Variants in ADAMTSL1 observed in about 807,000 individuals in gnomAD.
ADAMTSL1 encodes the protein ADAMTS like 1, also known as ADAMTS-like protein 1.
Under a neutral mutation model 201.8 loss-of-function variants are expected in ADAMTSL1, and 126 were observed. The observed-to-expected ratio is 0.62, with a 90% CI of 0.54 to 0.72. The LOEUF is 0.72. Ranked by LOEUF, ADAMTSL1 falls within the 30% of genes least tolerant of loss-of-function variation. The probability of loss-of-function intolerance (pLI) is 0.00; values close to 1 mark genes in which losing one functional copy is unlikely to be tolerated. For missense variants in ADAMTSL1, 2,679 were observed against 2,277.8 expected (o/e 1.18, Z -3.59); for synonymous variants, 1,121 against 903.4 (o/e 1.24, Z -4.32).
intron 2 of ADAMTSL1, among the ~76,000 whole-genome samples, chr9:18,390,185 A>G (rs1837983719): frequency 6.6e-6 from 1 of 152,176 alleles, no homozygotes; most frequent in South Asian, 2.1e-4. Flanking sequence ...ATAGGGCAGG[A>G]AGGGGAGTTA....
rs139308246 is a variant in ADAMTSL1, at chr9:18,533,271, A to G, written c.216A>G (p.Arg72=). ...GGAGCTGTGAAGGAAGAAATATCCG[A>G]TACAGAACATGCAGTAATGTGGTAA... The part of the protein sequence containing the change: ...SSKSCEGRNI[R]YRTCSNVDCP... Residue 72 remains arginine (R), a synonymous_variant, in exon 3 of 29, where the codon CGA becomes CGG. Coordinates refer to ENST00000380548, the MANE Select transcript of ADAMTSL1 (RefSeq NM_001040272.6). 4.5e-5 allele frequency: 73 copies of G among 1,608,848 alleles called. No individual in the cohort carries two copies. The highest frequency in any genetic ancestry group is 5.8e-5 in the Non-Finnish European group (68 of 1,177,642).
At chr9:18,357,723 C>T (rs1003058318) in intron 2 of ADAMTSL1, among the ~76,000 whole-genome samples, 1 of 152,044 alleles carries the variant, frequency 6.6e-6, no homozygotes, top group South Asian at 2.1e-4. Flanking sequence ...TTGCCAGCTA[C>T]AAGGTATAAT....
intron 26 of ADAMTSL1, among the ~76,000 whole-genome samples, chr9:18,897,617 C>T (rs1335284013): frequency 6.6e-6 from 1 of 152,236 alleles, no homozygotes; most frequent in African/African-American, 2.4e-5. Flanking sequence ...CAGCAAACTG[C>T]AGCAGCCCTA....
intron 1 of ADAMTSL1, among the ~76,000 whole-genome samples, chr9:17,957,627 A>G (rs112327524): frequency 0.013 from 1,955 of 152,272 alleles, 40 homozygotes; most frequent in African/African-American, 0.045. Context: ...CATCCCCCCA[A>G]ATTCATGTCC....
At chr9:18,758,953 A>G (rs1028925978) in intron 16 of ADAMTSL1, among the ~76,000 whole-genome samples, 3 of 152,222 alleles carry the variant, frequency 2.0e-5, no homozygotes, top group African/African-American at 7.2e-5. Flanking sequence ...ATGCATCAAT[A>G]TTCCTTCATT....
chr9:18,852,287 A>G (rs1057348224), intron 23 of ADAMTSL1, among the ~76,000 whole-genome samples: 1 of 152,124 alleles, frequency 6.6e-6, no homozygotes, highest in African/African-American at 2.4e-5. Flanking sequence ...AACTGCATAT[A>G]CCTCCAGGGT....
At chr9:17,941,429 A>G (rs1227488149) in intron 1 of ADAMTSL1, among the ~76,000 whole-genome samples, 1 of 152,096 alleles carries the variant, frequency 6.6e-6, no homozygotes, top group Non-Finnish European at 1.5e-5. Context: ...CGTGTAGTTT[A>G]TTTCTTAATT....
At chr9:18,656,194 G>T (rs1021706027) in intron 7 of ADAMTSL1, among the ~76,000 whole-genome samples, 1 of 151,556 alleles carries the variant, frequency 6.6e-6, no homozygotes, top group Non-Finnish European at 1.5e-5. Flanking sequence ...TCTTGGCCCT[G>T]TTTCTTCAAT....
At chr9:18,668,609 C>T (rs1008857786) in intron 9 of ADAMTSL1, among the ~76,000 whole-genome samples, 6 of 152,166 alleles carry the variant, frequency 3.9e-5, no homozygotes, top group Non-Finnish European at 7.4e-5. Context: ...AACTTCTTAT[C>T]TAGGCCTGAG....
At chr9:18,048,998 A>G (rs930894854) in intron 1 of ADAMTSL1, among the ~76,000 whole-genome samples, 3 of 152,092 alleles carry the variant, frequency 2.0e-5, no homozygotes, top group Non-Finnish European at 1.5e-5. Context: ...CCACTCCCCT[A>G]CTTCCGGCAG....
chr9:18,043,507 T>C (rs1333022526), intron 1 of ADAMTSL1, among the ~76,000 whole-genome samples: 1 of 152,082 alleles, frequency 6.6e-6, no homozygotes, highest in African/African-American at 2.4e-5. Context: ...TTGCAGTTCA[T>C]TGAAAATAAT....
At chr9:18,196,238 G>A (rs1255036975) in intron 2 of ADAMTSL1, among the ~76,000 whole-genome samples, 1 of 151,972 alleles carries the variant, frequency 6.6e-6, no homozygotes, top group Admixed American at 6.6e-5. Flanking sequence ...ATTTGGCTGG[G>A]AATTAGATGA....
intron 1 of ADAMTSL1, among the ~76,000 whole-genome samples, chr9:18,123,598 C>A (rs1340387412): frequency 6.6e-6 from 1 of 152,102 alleles, no homozygotes; most frequent in Non-Finnish European, 1.5e-5. Context: ...TAAAAATAAA[C>A]AGCTTTACTG....
At chr9:18,380,926 G>C (rs1318950978) in intron 2 of ADAMTSL1, among the ~76,000 whole-genome samples, 1 of 152,194 alleles carries the variant, frequency 6.6e-6, no homozygotes, top group Admixed American at 6.5e-5. Flanking sequence ...TTATGCTGAA[G>C]GAGCTACAGA....
intron 4 of ADAMTSL1, among the ~76,000 whole-genome samples, chr9:18,578,991 A>AT (rs1822915319): frequency 1.3e-5 from 2 of 151,314 alleles, no homozygotes; most frequent in South Asian, 4.2e-4. Context: ...GATGATGAGC[A>AT]TTTTTTCATG....
intron 1 of ADAMTSL1, among the ~76,000 whole-genome samples, chr9:17,940,401 T>C (rs1827189082): frequency 6.6e-6 from 1 of 152,020 alleles, no homozygotes; most frequent in Non-Finnish European, 1.5e-5. Flanking sequence ...ATTCAGTAAC[T>C]GATTGAATTC....
chr9:18,863,883 G>A (rs1827353365), intron 23 of ADAMTSL1, among the ~76,000 whole-genome samples: 1 of 152,116 alleles, frequency 6.6e-6, no homozygotes. Flanking sequence ...TCCAGTTTTG[G>A]AAAATTAAAT....
Position 17,979,059 on chromosome 9 carries a change from G to A in ADAMTSL1, c.87+72137G>A, listed in dbSNP as rs140337542. On this transcript the variant is annotated intron_variant, in intron 1 of 29. Coordinates refer to the ADAMTSL1 transcript ENST00000680146. ...ATATGCTGATGGTCTTATTGGTGGT[G>A]TCTATGCGTGTGACAATCTCTTTTT... Among the ~76,000 whole-genome samples, 222 of 151,864 alleles carry A rather than the reference G, an allele frequency of 1.5e-3. 1 individual carries two copies. Among genetic ancestry groups the A allele is most frequent in the African/African-American group, 4.7e-3 (195 of 41,448 alleles).
At chr9:18,150,923 T>A (rs1476948893) in intron 1 of ADAMTSL1, among the ~76,000 whole-genome samples, 1 of 151,394 alleles carries the variant, frequency 6.6e-6, no homozygotes, top group East Asian at 1.9e-4. Flanking sequence ...TTCTGTGAAA[T>A]AGGAGACAAT....
Sources: allele counts gnomAD v4.1 joint callset (sites outside exome capture counted in the v4.1 genomes callset), GRCh38; gene constraint gnomAD v4.1.1; transcripts MANE v1.5; gene names NCBI Gene and HGNC (gene_info 2026-07-23, HGNC 2026-07-21).